Variants in MYO15B observed in about 807,000 individuals in gnomAD.
MYO15B encodes the protein myosin XVB, also known as myosin XVB pseudogene.
A neutral mutation model predicts 119.3 loss-of-function variants in MYO15B; 207 were observed. The observed-to-expected ratio is 1.73, with a 90% confidence interval of 1.55 to 1.95. MYO15B has a LOEUF of 1.95. Ranked by LOEUF, MYO15B falls within the 30% of genes most tolerant of loss-of-function variation. The probability of loss-of-function intolerance (pLI) is 0.00; values close to 1 mark genes in which losing one functional copy is unlikely to be tolerated. For missense variants in MYO15B, 2,264 were observed against 1,203.1 expected, an observed-to-expected ratio of 1.88 and a Z score of -13.04; for synonymous variants, 966 against 498.9, an observed-to-expected ratio of 1.94 and a Z score of -12.48.
At chr17:75,588,147 G>A in exon 1 of MYO15B, 2 of 398,130 alleles carry the variant, frequency 5.0e-6, no homozygotes, top group Non-Finnish European at 8.9e-6. Context: ...CGGCCAGCGC[G>A]GATGGCGCGC....
rs1341167529 is a variant in MYO15B, at chr17:75,624,752, A to G, written c.8543-19A>G. 1 of 702,460 alleles carries G rather than the reference A, an allele frequency of 1.4e-6. No individual in the cohort carries two copies. Among genetic ancestry groups the G allele is most frequent in the Non-Finnish European group, 2.6e-6 (1 of 384,870 alleles). The allele number at this position is 702,460 out of a possible 1,614,324, so 43.5% of individuals were successfully genotyped here. On this transcript the variant is annotated intron_variant, in intron 58 of 63. Coordinates refer to ENST00000645453, the Ensembl canonical transcript of MYO15B. ...GTGTGTGTGGTCTGAGCAGCAGTGG[A>G]CCTAGGCTCCCCATGCAGGCCAGCT...
At position 75,617,075 on chromosome 17, in the gene MYO15B, A is replaced by G. The variant is rs1471875530; in HGVS notation, c.6595-10A>G. ...GACTCAGCCCGTGTACTTTCTCCGT[A>G]TCCCCCCAGATGCTGTCCCCCAGCC... is the stretch of plus-strand genomic sequence containing the variant. On this transcript the variant is annotated splice_polypyrimidine_tract_variant and intron_variant, in intron 40 of 63. Transcript: ENST00000645453. 1.5e-5 allele frequency: 10 copies of G among 683,244 alleles called. No homozygotes were observed. The South Asian group carries it at 1.5e-4, about 10-fold the overall frequency. The allele number at this position is 683,244 out of a possible 1,614,324, so 42.3% of individuals were successfully genotyped here.
intron 43 of MYO15B, among the ~76,000 whole-genome samples, chr17:75,618,887 C>T (rs533285779): frequency 2.0e-5 from 3 of 152,318 alleles, no homozygotes; most frequent in South Asian, 2.1e-4. Flanking sequence ...GCAGTTACCA[C>T]GGGGTCTCTG....
At chr17:75,626,509 G>A (rs1189113840) in exon 64 of MYO15B, 1 of 702,926 alleles carries the variant, frequency 1.4e-6, no homozygotes, top group Non-Finnish European at 2.6e-6. Context: ...GGGGAGAGAA[G>A]AGGATGAGGC....
At position 75,589,862 on chromosome 17, in the gene MYO15B, G is replaced by T; in HGVS notation, c.1805G>T (p.Gly602Val). 2.5e-6 allele frequency: 1 copy of T among 398,546 alleles called. No homozygotes were observed. The highest frequency in any genetic ancestry group is 1.3e-4 in the South Asian group (1 of 7,870). The allele number at this position is 398,546 out of a possible 1,614,324, so 24.7% of individuals were successfully genotyped here. A position where few individuals can be genotyped will look rare whatever the true frequency, so the allele number is the denominator to read the frequency against. ...GAAGGGGTGTCCGGGCTTCGTCGCG[G>T]CTCCCTCCTTGCCCCGACTGCACCC... The change falls in exon 1 of 64, where the codon GGC becomes GTC. Residue 602 changes from glycine (G) to valine (V), a missense_variant. Physicochemically the swap from Gly to Val is moderately radical, Grantham distance 109. Transcript: ENST00000645453. This position sits in a 1 kb window ranked among gnomAD's most constrained non-coding sequence, Gnocchi z 4.2.
intron 53 of MYO15B, among the ~76,000 whole-genome samples, chr17:75,623,222 G>A (rs1398184895): frequency 6.6e-6 from 1 of 152,176 alleles, no homozygotes; most frequent in African/African-American, 2.4e-5. Context: ...TACTCGGAAG[G>A]TTGAGGCAGG....
intron 21 of MYO15B, chr17:75,607,209 A>G: frequency 8.1e-6 from 3 of 371,534 alleles, no homozygotes; most frequent in Non-Finnish European, 1.4e-5. Flanking sequence ...CTCTGGACCC[A>G]TTAAGCAGTA....
rs1216974897 is a variant in MYO15B at position 75,614,696 on chromosome 17, T to G, written c.5482+13T>G. Reference sequence around the variant, plus strand: ...AGGGACCACACAGGTAAGGCTGGAGTGGGCACATGGAGGTTGGCAGAGCAT... The same window carrying G: ...AGGGACCACACAGGTAAGGCTGGAGGGGGCACATGGAGGTTGGCAGAGCAT... On this transcript the variant is annotated intron_variant, in intron 31 of 63. Coordinates refer to ENST00000645453, the Ensembl canonical transcript of MYO15B. The G allele has an allele frequency of 1.4e-5, 10 of 701,520 alleles. No homozygotes were observed. The highest frequency in any genetic ancestry group is 2.6e-5 in the Non-Finnish European group (10 of 384,658). 43.5% of individuals were successfully genotyped at this position (701,520 alleles called of 1,614,324 possible).
chr17:75,594,819 A>G lies in MYO15B; in HGVS notation c.3165-21A>G, dbSNP rs879024164. 11 of 700,922 alleles carry G rather than the reference A, an allele frequency of 1.6e-5. No individual in the cohort carries two copies. The African/African-American group carries it at 1.6e-4, about 10-fold the overall frequency. The allele number at this position is 700,922 out of a possible 1,614,324, so 43.4% of individuals were successfully genotyped here. A position where few individuals can be genotyped will look rare whatever the true frequency, so the allele number is the denominator to read the frequency against. On this transcript the variant is annotated intron_variant, in intron 11 of 63. Transcript: ENST00000645453. ...CCCGAGGCACGGCTCTATGTGGCTC[A>G]CCCACCCGCCATGCCTACAGGGACG...
At chr17:75,622,593 GGA>G (rs1454422979) in intron 53 of MYO15B, among the ~76,000 whole-genome samples, 1 of 152,192 alleles carries the variant, frequency 6.6e-6, no homozygotes, top group Non-Finnish European at 1.5e-5. Flanking sequence ...AGAGGATTCT[GGA>G]GAGAGACTCG....
In MYO15B at chr17:75,612,984, TC is replaced by T. The variant is rs2058122558; in HGVS notation, c.4744del (p.Leu1582TrpfsTer190). ...CGGCTGTGTCGGCAGATGCTGCGGC[TC>T]CTGGGGGACGGATCCCTGGAGTCCT... On this transcript the variant is annotated frameshift_variant, in exon 27 of 64. Transcript: ENST00000645453. LOFTEE classifies it high-confidence loss of function. 4 of 690,800 alleles carry T rather than the reference TC, an allele frequency of 5.8e-6. No homozygotes were observed. In the South Asian group the frequency reaches 6.0e-5, roughly 10 times the overall value. The allele number at this position is 690,800 out of a possible 1,614,324, so 42.8% of individuals were successfully genotyped here.
rs930247158 is a variant in MYO15B, at chr17:75,614,882, C to G, written c.5559+33C>G. 4 of 702,880 alleles carry G rather than the reference C, an allele frequency of 5.7e-6. No individual in the cohort carries two copies. In the Admixed American group the frequency reaches 8.0e-5, roughly 14 times the overall value. 43.5% of individuals were successfully genotyped at this position (702,880 alleles called of 1,614,324 possible). On this transcript the variant is annotated intron_variant, in intron 32 of 63. Transcript: ENST00000645453. Reference sequence around the variant, plus strand: ...GGGCACAGCCCCCAAATGCCCCTGCCCCAACCCCCCGGGGCCTCTGCTGCC... The same window carrying G: ...GGGCACAGCCCCCAAATGCCCCTGCGCCAACCCCCCGGGGCCTCTGCTGCC...
Position 75,616,295 on chromosome 17 carries a change from C to A in MYO15B, c.6110-17C>A, listed in dbSNP as rs1037555629. The stretch of plus-strand genomic sequence containing the variant: ...GGCCAGTATGGGTAACTTTGAAGGC[C>A]ATCTGGACACTTGCAGGGCAGCCAC... On this transcript the variant is annotated splice_polypyrimidine_tract_variant and intron_variant, in intron 37 of 63. Coordinates refer to ENST00000645453, the Ensembl canonical transcript of MYO15B. The A allele has an allele frequency of 1.0e-5, 6 of 602,324 alleles. No homozygotes were observed. The highest frequency in any genetic ancestry group is 1.5e-5 in the Non-Finnish European group (5 of 338,328). The allele number at this position is 602,324 out of a possible 1,614,324, so 37.3% of individuals were successfully genotyped here.
rs1452042845 is a variant in MYO15B, at chr17:75,619,233, A to G, written c.7063+15A>G. On this transcript the variant is annotated intron_variant, in intron 44 of 63. Transcript: ENST00000645453. ...AGACCTGCTGGGTATGGGTCCAGGG[A>G]CCATGGAGTTGGGAGCTTGAGTGCT... 1 of 702,598 alleles carries G rather than the reference A, an allele frequency of 1.4e-6. No homozygotes were observed. The highest frequency in any genetic ancestry group is 1.7e-5 in the African/African-American group (1 of 57,194). The allele number at this position is 702,598 out of a possible 1,614,324, so 43.5% of individuals were successfully genotyped here.
At chr17:75,601,838 C>T (rs3760124) in intron 15 of MYO15B, among the ~76,000 whole-genome samples, 34,671 of 152,236 alleles carry the variant, frequency 0.23, 4,452 homozygotes, top group Non-Finnish European at 0.3. Flanking sequence ...CAGTTTACTT[C>T]GCCTTCTGAG....
At chr17:75,602,407 G>A in intron 15 of MYO15B, 110 bp from the exon 16 acceptor site, 1 of 701,746 alleles carries the variant, frequency 1.4e-6, no homozygotes. Context: ...AGCCTTTCAG[G>A]TCACCTGGGG....
chr17:75,612,115 C>A, intron 25 of MYO15B, 99 bp downstream of exon 25: 2 of 657,158 alleles, frequency 3.0e-6, no homozygotes, highest in South Asian at 1.7e-5. Flanking sequence ...TCAGCTCTTG[C>A]CCTCCTTCCT....
At chr17:75,611,542 G>C in intron 23 of MYO15B, 59 bp from the exon 24 acceptor site, 1 of 699,214 alleles carries the variant, frequency 1.4e-6, no homozygotes, top group South Asian at 1.5e-5. Context: ...GGTGTGGGGA[G>C]GGACACTGGT....
Position 75,615,495 on chromosome 17 carries a change from C to T in MYO15B, c.5741-8C>T. The T allele has an allele frequency of 5.8e-6, 4 of 688,720 alleles. No individual in the cohort carries two copies. Among genetic ancestry groups the T allele is most frequent in the South Asian group, 3.1e-5 (2 of 65,560 alleles). 42.7% of individuals were successfully genotyped at this position (688,720 alleles called of 1,614,324 possible). A position where few individuals can be genotyped will look rare whatever the true frequency, so the allele number is the denominator to read the frequency against. Reference sequence around the variant, plus strand: ...GCCCACCACTCTGGCCGCCTGCCGCCCTCACAGCCATGGTGGTGCCGCCGC... The same window carrying T: ...GCCCACCACTCTGGCCGCCTGCCGCTCTCACAGCCATGGTGGTGCCGCCGC... On this transcript the variant is annotated splice_polypyrimidine_tract_variant and splice_region_variant and intron_variant, in intron 34 of 63. Coordinates refer to ENST00000645453, the Ensembl canonical transcript of MYO15B.
Sources: allele counts gnomAD v4.1 joint callset (sites outside exome capture counted in the v4.1 genomes callset), GRCh38; gene constraint gnomAD v4.1.1; non-coding constraint Gnocchi (gnomAD v3.1); transcripts MANE v1.5; gene names NCBI Gene and HGNC (gene_info 2026-07-23, HGNC 2026-07-21).